PTPN4: variants seen among roughly 807,000 people sequenced by gnomAD.
PTPN4 encodes tyrosine-protein phosphatase non-receptor type 4.
PTPN4 carries 49 observed loss-of-function variants against 135.5 expected under a neutral mutation model. The ratio of observed to expected loss-of-function variants is 0.36; its 90% CI spans 0.29 to 0.46. The LOEUF is 0.46. Ranked by LOEUF, PTPN4 falls within the 20% of genes least tolerant of loss-of-function variation. The pLI is 1.00. For synonymous variants in PTPN4, 333 were observed against 369.9 expected, an observed-to-expected ratio of 0.90 and a Z score of 1.14; for missense variants, 860 against 1,101.0, an observed-to-expected ratio of 0.78 and a Z score of 3.10.
Position 119,926,552 on chromosome 2 carries a change from AT to A in PTPN4, c.1002-45del, listed in dbSNP as rs775137527. On this transcript the variant is annotated intron_variant, in intron 12 of 26. Coordinates refer to ENST00000263708, the MANE Select transcript of PTPN4 (RefSeq NM_002830.4). Reference sequence around the variant, plus strand: ...ATGTTATGTGTTGTCATTTTATCTTATAGTTCTCTTAAGACTTTATTGTTGT... The same window carrying A: ...ATGTTATGTGTTGTCATTTTATCTTAAGTTCTCTTAAGACTTTATTGTTGT... 5.3e-6 allele frequency: 7 copies of A among 1,327,820 alleles called. No individual in the cohort carries two copies. The South Asian group carries it at 8.4e-5, about 16-fold the overall frequency. 82.3% of individuals were successfully genotyped at this position (1,327,820 alleles called of 1,614,324 possible).
At position 119,934,971 on chromosome 2, in the gene PTPN4, T is replaced by C; in HGVS notation, c.1355+13T>C. On this transcript the variant is annotated intron_variant, in intron 15 of 26. Coordinates refer to ENST00000263708, the MANE Select transcript of PTPN4 (RefSeq NM_002830.4). ...TGGAATCATCACCGTAAGAGCTTTT[T>C]TATTTTGCTTCCTCTGTATTTTCAA... The C allele has an allele frequency of 6.3e-7, 1 of 1,594,608 alleles. No individual in the cohort carries two copies. Among genetic ancestry groups the C allele is most frequent in the Non-Finnish European group, 8.5e-7 (1 of 1,169,788 alleles).
At chr2:119,817,921 C>A (rs995805333) in intron 2 of PTPN4, among the ~76,000 whole-genome samples, 1 of 151,988 alleles carries the variant, frequency 6.6e-6, no homozygotes. Flanking sequence ...CTTTTTGTGG[C>A]GGTTGTGAAT....
chr2:119,777,055 CAA>C (rs1690849740), intron 1 of PTPN4, among the ~76,000 whole-genome samples: 1 of 152,088 alleles, frequency 6.6e-6, no homozygotes. Context: ...TTACTGTGGC[CAA>C]AAAAGCCCTA....
chr2:119,772,450 C>T (rs774398904), intron 1 of PTPN4, among the ~76,000 whole-genome samples: 1 of 152,200 alleles, frequency 6.6e-6, no homozygotes, highest in Non-Finnish European at 1.5e-5. Context: ...AATTTGGCAA[C>T]CAAACTTGAC....
At chr2:119,890,320 T>C (rs1052014040) in intron 9 of PTPN4, among the ~76,000 whole-genome samples, 1 of 152,070 alleles carries the variant, frequency 6.6e-6, no homozygotes, top group Admixed American at 6.5e-5. Context: ...TTTTATCTGA[T>C]AAAAGCTGAG....
intron 1 of PTPN4, among the ~76,000 whole-genome samples, chr2:119,799,839 T>C (rs1287484356): frequency 6.6e-6 from 1 of 152,202 alleles, no homozygotes; most frequent in Non-Finnish European, 1.5e-5. Context: ...GATCATGCTT[T>C]TAATGTAATT....
chr2:119,968,469 A>G (rs2105063526), intron 26 of PTPN4, among the ~76,000 whole-genome samples: 1 of 152,256 alleles, frequency 6.6e-6, no homozygotes, highest in South Asian at 2.1e-4. Flanking sequence ...CTGTGGTGAA[A>G]TTGTTTTTCT....
At chr2:119,845,000 CG>C (rs1677466961) in intron 2 of PTPN4, among the ~76,000 whole-genome samples, 1 of 150,022 alleles carries the variant, frequency 6.7e-6, no homozygotes, top group Non-Finnish European at 1.5e-5. Flanking sequence ...TCTGCAATCC[CG>C]GCACCTCGGG....
intron 15 of PTPN4, among the ~76,000 whole-genome samples, chr2:119,935,754 T>A (rs1225373595): frequency 6.6e-6 from 1 of 152,220 alleles, no homozygotes; most frequent in Non-Finnish European, 1.5e-5. Flanking sequence ...TGATTTTTAA[T>A]AATTATATAT....
chr2:119,846,518 T>C (rs1677501171), intron 2 of PTPN4, among the ~76,000 whole-genome samples: 1 of 152,104 alleles, frequency 6.6e-6, no homozygotes, highest in Non-Finnish European at 1.5e-5. Flanking sequence ...GAAAGAAAAG[T>C]GTGTCTTTCT....
chr2:119,778,641 G>T (rs1380437904), intron 1 of PTPN4, among the ~76,000 whole-genome samples: 1 of 152,098 alleles, frequency 6.6e-6, no homozygotes, highest in African/African-American at 2.4e-5. Context: ...AGTTGTAAAA[G>T]ATTAAAATAA....
At chr2:119,934,618 T>A (rs1245288138) in intron 14 of PTPN4, among the ~76,000 whole-genome samples, 182 bp from the exon 15 acceptor site, 6 of 152,188 alleles carry the variant, frequency 3.9e-5, no homozygotes, top group Non-Finnish European at 8.8e-5. Flanking sequence ...GTAACTCAGA[T>A]CACTGACTTC....
intron 14 of PTPN4, among the ~76,000 whole-genome samples, chr2:119,933,031 A>G (rs575865520): frequency 1.3e-5 from 2 of 152,160 alleles, no homozygotes; most frequent in Non-Finnish European, 2.9e-5. Context: ...ACCAGTCCCC[A>G]TAAGCTTAGC....
chr2:119,962,967 G>T (rs1294530253), intron 24 of PTPN4, among the ~76,000 whole-genome samples: 3 of 151,970 alleles, frequency 2.0e-5, no homozygotes, highest in Non-Finnish European at 1.5e-5. Context: ...AATATGAATG[G>T]TCAGTGAAAA....
At chr2:119,902,284 G>A (rs762286492) in intron 10 of PTPN4, among the ~76,000 whole-genome samples, 1 of 152,210 alleles carries the variant, frequency 6.6e-6, no homozygotes, top group Non-Finnish European at 1.5e-5. Context: ...TTTGGTTAAA[G>A]TGTTGAAAGA....
chr2:119,854,415 G>A (rs1236359322), intron 2 of PTPN4, among the ~76,000 whole-genome samples: 4 of 152,142 alleles, frequency 2.6e-5, no homozygotes, highest in Admixed American at 1.3e-4. Flanking sequence ...CCCTATCTGC[G>A]TAAAATAATT....
intron 1 of PTPN4, among the ~76,000 whole-genome samples, chr2:119,808,618 C>T (rs1004209477): frequency 3.9e-5 from 6 of 152,206 alleles, no homozygotes; most frequent in South Asian, 2.1e-4. Context: ...GAAACAGGGC[C>T]TCCCTGTGTT....
chr2:119,823,360 G>A (rs571093435), intron 2 of PTPN4, among the ~76,000 whole-genome samples: 7 of 151,398 alleles, frequency 4.6e-5, no homozygotes, highest in African/African-American at 1.2e-4. Context: ...TCAGCCTCCC[G>A]AGTAGCTGGG....
intron 2 of PTPN4, among the ~76,000 whole-genome samples, chr2:119,832,085 T>C (rs1677227925): frequency 6.6e-6 from 1 of 152,230 alleles, no homozygotes; most frequent in Non-Finnish European, 1.5e-5. Context: ...TCTCTTATTG[T>C]ATATCCATCC....
Sources: gnomAD v4.1 joint callset for allele counts (sites outside exome capture counted in the v4.1 genomes callset) on GRCh38, gnomAD v4.1.1 for gene constraint, MANE v1.5 for transcripts, NCBI Gene and HGNC (gene_info 2026-07-23, HGNC 2026-07-21) for gene names.